Variants in DPPA4 observed in about 807,000 individuals in gnomAD.
DPPA4 encodes developmental pluripotency associated 4.
DPPA4 carries 22 observed loss-of-function variants against 33.7 expected under a neutral mutation model. That is an observed-to-expected ratio of 0.65 (90% CI 0.47 to 0.93). DPPA4 has a LOEUF of 0.93. Ranked by LOEUF, DPPA4 falls within the 40% of genes least tolerant of loss-of-function variation. DPPA4 has a pLI of 0.00. For missense variants in DPPA4, 340 were observed against 358.6 expected, an observed-to-expected ratio of 0.95 and a Z score of 0.42; for synonymous variants, 156 against 132.3, an observed-to-expected ratio of 1.18 and a Z score of -1.23.
rs188150099 is a variant in DPPA4, at chr3:109,327,929, T to C, written c.*59A>G. ...TTCACCTGTCAGCAGCACCGCAGAA[T>C]CCAACTCTCCAGCTTTTCTGCCATT... On this transcript the variant is annotated 3_prime_UTR_variant, in exon 7 of 7. Transcript: ENST00000335658. The C allele has an allele frequency of 8.0e-7, 1 of 1,253,872 alleles. No individual in the cohort carries two copies. Among genetic ancestry groups the C allele is most frequent in the African/African-American group, 1.5e-5 (1 of 67,166 alleles). The allele number at this position is 1,253,872 out of a possible 1,614,324, so 77.7% of individuals were successfully genotyped here.
rs576664233 is a variant in DPPA4, at chr3:109,331,395, G to A, written c.390+339C>T. On this transcript the variant is annotated intron_variant, in intron 4 of 6. Coordinates refer to ENST00000335658, the MANE Select transcript of DPPA4 (RefSeq NM_018189.4). ...TCCCAGCACTTTGGGAGGCCGAAGT[G>A]GGTGGATCACCTGAGGCAGGCGCCT... 4.3e-4 allele frequency among the ~76,000 whole-genome samples: 65 copies of A among 151,102 alleles called. 3 individuals are homozygous for A. In the South Asian group the frequency reaches 0.011, roughly 25 times the overall value.
At position 109,326,432 on chromosome 3, in the gene DPPA4, GAAC is replaced by G. The variant is rs1707936324; in HGVS notation, c.*1553_*1555del. On this transcript the variant is annotated 3_prime_UTR_variant, in exon 7 of 7. Transcript: ENST00000335658. ...AACGGCGGGGGCGGGCAGGAGAGAA[GAAC>G]ATCTTGCTTCTCAACAAACTTTCCT... The G allele has an allele frequency of 6.6e-6, 1 of 152,058 alleles. No individual in the cohort carries two copies. Among genetic ancestry groups the G allele is most frequent in the Admixed American group, 6.6e-5 (1 of 15,246 alleles). The allele number at this position is 152,058 out of a possible 1,614,324, so 9.4% of individuals were successfully genotyped here.
chr3:109,331,928 A>G lies in DPPA4; in HGVS notation c.282T>C (p.Ile94=). 1 of 1,614,100 alleles carries G rather than the reference A, an allele frequency of 6.2e-7. No homozygotes were observed. Among genetic ancestry groups the G allele is most frequent in the East Asian group, 2.2e-5 (1 of 44,870 alleles). ...LPSKLPPVNL[I]HRDILRAWCQ... is the part of the protein sequence containing the mutation. Reference sequence around the variant, plus strand: ...ACCAGGCCCGCAGAATGTCCCGGTGAATCAGATTAACAGGTGGCAGTTTAG... The same window carrying G: ...ACCAGGCCCGCAGAATGTCCCGGTGGATCAGATTAACAGGTGGCAGTTTAG... Residue 94 remains isoleucine, a synonymous_variant, in exon 3 of 7, where the codon ATT becomes ATC. Coordinates refer to ENST00000335658, the MANE Select transcript of DPPA4 (RefSeq NM_018189.4).
chr3:109,335,143 C>A (rs952682302), intron 1 of DPPA4, among the ~76,000 whole-genome samples: 1 of 152,164 alleles, frequency 6.6e-6, no homozygotes, highest in African/African-American at 2.4e-5. Flanking sequence ...TCCTCACTTT[C>A]ATTTTTTTAA....
At chr3:109,337,627 C>T (rs1641855378), upstream of DPPA4, 2 of 885,124 alleles carry the variant, frequency 2.3e-6, no homozygotes, top group South Asian at 1.4e-5. Flanking sequence ...TTCTTCTCCC[C>T]TTCTGTTCCC....
At chr3:109,337,068 T>C (rs1199641463) in intron 1 of DPPA4, among the ~76,000 whole-genome samples, 2 of 151,980 alleles carry the variant, frequency 1.3e-5, no homozygotes, top group Non-Finnish European at 2.9e-5. Flanking sequence ...ACCTGGCTAA[T>C]TTTGTACTTT....
upstream of DPPA4, among the ~76,000 whole-genome samples, chr3:109,339,585 C>A (rs1324691965): frequency 2.0e-5 from 3 of 151,792 alleles, no homozygotes. Flanking sequence ...TAGTGAAACC[C>A]CATTTCTACC....
chr3:109,338,841 G>C (rs1406298034), upstream of DPPA4, among the ~76,000 whole-genome samples: 2 of 151,344 alleles, frequency 1.3e-5, no homozygotes, highest in African/African-American at 4.9e-5. Context: ...TGTGTATAAA[G>C]TGTATAACTG....
In DPPA4 at chr3:109,330,675, C is replaced by T. The variant is rs762380241; in HGVS notation, c.528G>A (p.Pro176=). 14 of 1,613,994 alleles carry T rather than the reference C, an allele frequency of 8.7e-6. No homozygotes were observed. Among genetic ancestry groups the T allele is most frequent in the South Asian group, 4.4e-5 (4 of 91,082 alleles). Residue 176 remains proline (P), a synonymous_variant, in exon 5 of 7, where the codon CCG becomes CCA. Transcript: ENST00000335658. Reference sequence around the variant, plus strand: ...GAGCAGTGGAATTTTCCAGGGCAGGCGGCTCCCCCACAGGAGGAAGAGCCA... The same window carrying T: ...GAGCAGTGGAATTTTCCAGGGCAGGTGGCTCCCCCACAGGAGGAAGAGCCA... ...PEVALPPVGE[P]PALENSTALL...
chr3:109,332,044 G>A lies in DPPA4; in HGVS notation c.179-13C>T, dbSNP rs766280871. The A allele has an allele frequency of 6.4e-7, 1 of 1,571,936 alleles. No individual in the cohort carries two copies. Among genetic ancestry groups the A allele is most frequent in the Admixed American group, 1.9e-5 (1 of 52,198 alleles). ...TTAGGGCAGAGCACTGAAGCAGAAT[G>A]GAATCAAATGAGTAGTAATTATCTT... On this transcript the variant is annotated splice_polypyrimidine_tract_variant and intron_variant, in intron 2 of 6. Transcript: ENST00000335658.
In DPPA4 at chr3:109,333,857, G is replaced by A; in HGVS notation, c.178+13C>T. 1 of 1,611,720 alleles carries A rather than the reference G, an allele frequency of 6.2e-7. No individual in the cohort carries two copies. The highest frequency in any genetic ancestry group is 1.1e-5 in the South Asian group (1 of 90,358). ...CCGAGAAGGTGGGATTTGAGAATTT[G>A]AAGACCTCTTACCTTTACTGCCTTT... On this transcript the variant is annotated intron_variant, in intron 2 of 6. Transcript: ENST00000335658.
intron 2 of DPPA4, chr3:109,333,618 T>C (rs1708130714): frequency 3.5e-6 from 1 of 287,118 alleles, no homozygotes; most frequent in South Asian, 6.2e-5. Context: ...TAACTCCAAG[T>C]AGCAAGTGAA....
At chr3:109,330,048 T>C in intron 5 of DPPA4, 2 of 194,796 alleles carry the variant, frequency 1.0e-5, no homozygotes, top group Non-Finnish European at 2.1e-5. Flanking sequence ...ACGCCTGTAA[T>C]CCCAGCACTT....
At chr3:109,335,172 A>G (rs967561447) in intron 1 of DPPA4, among the ~76,000 whole-genome samples, 3 of 152,206 alleles carry the variant, frequency 2.0e-5, no homozygotes, top group African/African-American at 7.2e-5. Flanking sequence ...TATTTATTAA[A>G]GAAAAGGTCT....
intron 4 of DPPA4, among the ~76,000 whole-genome samples, 170 bp downstream of exon 4, chr3:109,331,564 A>AAAGAAAG (rs1553697017): frequency 2.8e-5 from 3 of 106,186 alleles, no homozygotes; most frequent in South Asian, 4.3e-4. Flanking sequence ...AAAAAAAAAA[A>AAAGAAAG]AAAGAAAGAA....
rs1288213818 is a variant in DPPA4 at position 109,327,761 on chromosome 3, T to C, written c.*227A>G. ...TCTACATATTAACTACAATTTATGG[T>C]AATTTGTGAAATGTTTTTCCATTTT... On this transcript the variant is annotated 3_prime_UTR_variant, in exon 7 of 7. Coordinates refer to ENST00000335658, the MANE Select transcript of DPPA4 (RefSeq NM_018189.4). 4.5e-6 allele frequency: 2 copies of C among 443,070 alleles called. No individual in the cohort carries two copies. Among genetic ancestry groups the C allele is most frequent in the Non-Finnish European group, 4.0e-6 (1 of 248,908 alleles). The allele number at this position is 443,070 out of a possible 1,614,324, so 27.4% of individuals were successfully genotyped here.
chr3:109,333,846 T>G, intron 2 of DPPA4, 24 bp downstream of exon 2: 1 of 1,609,938 alleles, frequency 6.2e-7, no homozygotes, highest in Non-Finnish European at 8.5e-7. Context: ...GAAGGTGGGA[T>G]TTGAGAATTT....
chr3:109,331,543 C>CAAAAAAAAAAAAAAAAAAAAAAAAA (rs62827961), intron 4 of DPPA4, among the ~76,000 whole-genome samples, 191 bp downstream of exon 4: 1 of 71,470 alleles, frequency 1.4e-5, no homozygotes, highest in African/African-American at 5.6e-5. Context: ...GACTCTGTCT[C>CAAAAAAAAAAAAAAAAAAAAAAAAA]AAAAAAAAAA....
At position 109,330,494 on chromosome 3, in the gene DPPA4, A is replaced by C. The variant is rs765561167; in HGVS notation, c.679+30T>G. 18 of 1,611,248 alleles carry C rather than the reference A, an allele frequency of 1.1e-5. No homozygotes were observed. In the Middle Eastern group the frequency reaches 6.6e-4, roughly 59 times the overall value. On this transcript the variant is annotated intron_variant, in intron 5 of 6. Transcript: ENST00000335658. ...TCTACTAAGCTTATTTCCCCATTGG[A>C]CCAGAATAAGCTCTTCATGTTGCGC...
Sources: gnomAD v4.1 joint callset for allele counts (sites outside exome capture counted in the v4.1 genomes callset) on GRCh38, gnomAD v4.1.1 for gene constraint, MANE v1.5 for transcripts, NCBI Gene and HGNC (gene_info 2026-07-23, HGNC 2026-07-21) for gene names.